The following PRKAA1 variants were observed in gnomAD, a reference collection of about 807,000 sequenced individuals.
The protein encoded by PRKAA1 is protein kinase AMP-activated catalytic subunit alpha 1.
In PRKAA1, 23 loss-of-function variants were observed where a neutral mutation model predicts 56.9. That is an observed-to-expected ratio of 0.40 (90% CI 0.29 to 0.57). The LOEUF is 0.57. Ranked by LOEUF, PRKAA1 falls within the 20% of genes least tolerant of loss-of-function variation. The pLI, the probability that PRKAA1 is intolerant of heterozygous loss-of-function variation, is 0.39. For missense variants in PRKAA1, 413 were observed against 679.7 expected (o/e 0.61, Z 4.36); for synonymous variants, 226 against 227.0 (o/e 1.00, Z 0.04).
At chr5:40,767,799 G>T (rs1743535587) in intron 5 of PRKAA1, 109 bp from the exon 6 acceptor site, 2 of 911,708 alleles carry the variant, frequency 2.2e-6, no homozygotes, top group African/African-American at 3.4e-5. Flanking sequence ...GCAGAATATG[G>T]TTTTTATAGC....
intron 6 of PRKAA1, among the ~76,000 whole-genome samples, chr5:40,766,979 C>T (rs1743488264): frequency 6.6e-6 from 1 of 152,144 alleles, no homozygotes; most frequent in African/African-American, 2.4e-5. Context: ...GATCACACCA[C>T]TGCACTCCAG....
chr5:40,775,359 G>A, intron 3 of PRKAA1, 51 bp downstream of exon 3: 1 of 1,399,340 alleles, frequency 7.1e-7, no homozygotes, highest in Non-Finnish European at 1.0e-6. Context: ...TGCTAGTAAA[G>A]GATAAAGGGG....
intron 1 of PRKAA1, among the ~76,000 whole-genome samples, chr5:40,788,895 T>C (rs1744605527): frequency 6.6e-6 from 1 of 151,570 alleles, no homozygotes; most frequent in African/African-American, 2.4e-5. Context: ...AAAACGTATT[T>C]ACAAATCATG....
chr5:40,781,254 G>A (rs1744254395), intron 1 of PRKAA1, among the ~76,000 whole-genome samples: 1 of 152,038 alleles, frequency 6.6e-6, no homozygotes, highest in Admixed American at 6.5e-5. Flanking sequence ...TGGGATTATG[G>A]CATTAGGGAT....
chr5:40,775,345 T>C, intron 3 of PRKAA1, 65 bp downstream of exon 3: 1 of 1,296,058 alleles, frequency 7.7e-7, no homozygotes, highest in South Asian at 1.2e-5. Context: ...TGCTGACATT[T>C]TGATGCTAGT....
In PRKAA1 at chr5:40,777,585, A is replaced by G; in HGVS notation, c.129T>C (p.Val43=). The G allele has an allele frequency of 6.9e-6, 11 of 1,602,940 alleles. No individual in the cohort carries two copies. The highest frequency in any genetic ancestry group is 9.4e-6 in the Non-Finnish European group (11 of 1,172,910). The change falls in exon 2 of 9, where the codon GTT becomes GTC. Residue 43 remains valine (V), a splice_region_variant and synonymous_variant. Transcript: ENST00000397128. The part of the protein sequence containing the change: ...LGVGTFGKVK[V]GKHELTGHKV... ...TATGCCCAGTCAATTCATGTTTGCC[A>G]ACTGTAAAAGAAGTAATTTAATAAA... is the stretch of plus-strand genomic sequence containing the variant.
intron 1 of PRKAA1, among the ~76,000 whole-genome samples, chr5:40,780,527 G>A (rs746679178): frequency 2.0e-5 from 3 of 152,096 alleles, no homozygotes; most frequent in Non-Finnish European, 4.4e-5. Context: ...GATTATAGTG[G>A]CTGATAAGTT....
At chr5:40,770,481 A>G (rs1040559003) in intron 4 of PRKAA1, among the ~76,000 whole-genome samples, 1 of 152,134 alleles carries the variant, frequency 6.6e-6, no homozygotes, top group African/African-American at 2.4e-5. Context: ...ACAAACAAAA[A>G]AAAGTTATCT....
At position 40,764,590 on chromosome 5, in the gene PRKAA1, G is replaced by C; in HGVS notation, c.1359C>G (p.Ser453Arg). 6.2e-7 allele frequency: 1 copy of C among 1,613,770 alleles called. No individual in the cohort carries two copies. The highest frequency in any genetic ancestry group is 8.5e-7 in the Non-Finnish European group (1 of 1,179,770). The change falls in exon 8 of 9, where the codon AGC becomes AGG. Residue 453 changes from serine (S) to arginine (R), a missense_variant. Transcript: ENST00000397128. ...ACTGTAGACTCATTTTGGAGTAAGT[G>C]CTTGTCACAGGATTCTTCCTTCGTA... is the stretch of plus-strand genomic sequence containing the variant. Reference protein sequence around the residue: ...LRVRRKNPVTSTYSKMSLQLY... With the variant: ...LRVRRKNPVTRTYSKMSLQLY...
At chr5:40,789,725 T>C (rs1172062800) in intron 1 of PRKAA1, among the ~76,000 whole-genome samples, 1 of 152,096 alleles carries the variant, frequency 6.6e-6, no homozygotes, top group East Asian at 1.9e-4. Flanking sequence ...TTGCATAGCA[T>C]CATGATTACA....
intron 1 of PRKAA1, among the ~76,000 whole-genome samples, chr5:40,796,538 A>G (rs1207865081): frequency 6.6e-6 from 1 of 152,174 alleles, no homozygotes; most frequent in African/African-American, 2.4e-5. Context: ...TAAAACTTCC[A>G]TGGCACAGAA....
intron 1 of PRKAA1, among the ~76,000 whole-genome samples, chr5:40,786,324 G>T (rs1410492687): frequency 6.6e-6 from 1 of 151,146 alleles, no homozygotes; most frequent in African/African-American, 2.4e-5. Context: ...GCCTTCAGAA[G>T]AAACATGGCC....
intron 1 of PRKAA1, among the ~76,000 whole-genome samples, chr5:40,779,877 T>C (rs1375188674): frequency 6.6e-6 from 1 of 151,670 alleles, no homozygotes; most frequent in East Asian, 1.9e-4. Flanking sequence ...TAATGCACTT[T>C]CATGGAGTCA....
chr5:40,785,835 C>CAGAGAGAGAGAGAG (rs765908317), intron 1 of PRKAA1, among the ~76,000 whole-genome samples: 10 of 142,124 alleles, frequency 7.0e-5, no homozygotes, highest in South Asian at 2.2e-4. Context: ...CACACACACA[C>CAGAGAGAGAGAGAG]ACACAGAGAG....
At position 40,762,799 on chromosome 5, in the gene PRKAA1, T is replaced by C; in HGVS notation, c.1659A>G (p.Leu553=). 1.9e-6 allele frequency: 3 copies of C among 1,613,928 alleles called. No individual in the cohort carries two copies. The highest frequency in any genetic ancestry group is 2.5e-6 in the Non-Finnish European group (3 of 1,179,908). Reference sequence around the variant, plus strand: ...CTGTTTATTGTGCAAGAATTTTAATTAGATTTGCACACATCTCAAAAAATT... The same window carrying C: ...CTGTTTATTGTGCAAGAATTTTAATCAGATTTGCACACATCTCAAAAAATT... ...TIEFFEMCAN[L]IKILAQ is the part of the protein sequence containing the mutation. The change falls in exon 9 of 9, where the codon CTA becomes CTG. Residue 553 remains leucine (L), a synonymous_variant. Transcript: ENST00000397128.
intron 1 of PRKAA1, among the ~76,000 whole-genome samples, chr5:40,782,557 A>T (rs1213134737): frequency 6.6e-6 from 1 of 152,236 alleles, no homozygotes; most frequent in Non-Finnish European, 1.5e-5. Context: ...GAAATGCATG[A>T]TTGTATTAGC....
chr5:40,761,680 G>A lies in PRKAA1; in HGVS notation c.*1098C>T, dbSNP rs1743195409. ...TTCTATGCACTGAATCAATTTAAAA[G>A]ATACATAATCAAATAAGTAGCAATG... On this transcript the variant is annotated 3_prime_UTR_variant, in exon 9 of 9. Coordinates refer to ENST00000397128, the MANE Select transcript of PRKAA1 (RefSeq NM_006251.6). 1 of 152,236 alleles carries A rather than the reference G, an allele frequency of 6.6e-6. No homozygotes were observed. 9.4% of individuals were successfully genotyped at this position (152,236 alleles called of 1,614,324 possible). A position where few individuals can be genotyped will look rare whatever the true frequency, so the allele number is the denominator to read the frequency against.
chr5:40,773,930 C>G (rs1399494668), intron 3 of PRKAA1, among the ~76,000 whole-genome samples: 4 of 152,222 alleles, frequency 2.6e-5, no homozygotes, highest in African/African-American at 9.6e-5. Context: ...AGTCAACATA[C>G]TAACTAGTGA....
At chr5:40,792,773 C>T (rs1001680902) in intron 1 of PRKAA1, among the ~76,000 whole-genome samples, 3 of 152,014 alleles carry the variant, frequency 2.0e-5, no homozygotes, top group Admixed American at 1.3e-4. Flanking sequence ...GAAATACTTA[C>T]GAACTTAGGC....
Sources: gnomAD v4.1 joint callset for allele counts (sites outside exome capture counted in the v4.1 genomes callset) on GRCh38, gnomAD v4.1.1 for gene constraint, MANE v1.5 for transcripts, NCBI Gene and HGNC (gene_info 2026-07-23, HGNC 2026-07-21) for gene names.